Variants in SNTG1 observed in about 807,000 individuals in gnomAD.
SNTG1 encodes the protein gamma-1-syntrophin.
Under a neutral mutation model 74.7 loss-of-function variants are expected in SNTG1, and 39 were observed. The observed-to-expected ratio is 0.52, with a 90% confidence interval of 0.40 to 0.68. The LOEUF (loss-of-function observed/expected upper bound fraction) is 0.68, where lower values mean the gene tolerates loss of function less well. Ranked by LOEUF, SNTG1 falls within the 30% of genes least tolerant of loss-of-function variation. SNTG1 has a pLI of 0.00. For synonymous variants in SNTG1, 254 were observed against 217.1 expected (o/e 1.17, Z -1.49); for missense variants, 685 against 609.5 (o/e 1.12, Z -1.30).
intron 1 of SNTG1, among the ~76,000 whole-genome samples, chr8:50,139,782 C>T (rs945959138): frequency 6.6e-6 from 1 of 152,210 alleles, no homozygotes; most frequent in Non-Finnish European, 1.5e-5. Flanking sequence ...TGTGCACATT[C>T]CCCAGATACC....
chr8:50,210,464 AG>A (rs1353354832), intron 2 of SNTG1, among the ~76,000 whole-genome samples: 1 of 152,214 alleles, frequency 6.6e-6, no homozygotes, highest in Non-Finnish European at 1.5e-5. Flanking sequence ...AAAAATGTTA[AG>A]GGCAGCCAGA....
At chr8:50,280,348 G>T (rs561511273) in intron 2 of SNTG1, among the ~76,000 whole-genome samples, 1 of 152,170 alleles carries the variant, frequency 6.6e-6, no homozygotes, top group Non-Finnish European at 1.5e-5. Flanking sequence ...CTAGATGTGG[G>T]TTGGGCTTAA....
intron 2 of SNTG1, among the ~76,000 whole-genome samples, chr8:50,280,532 T>C (rs914710631): frequency 1.3e-5 from 2 of 152,176 alleles, no homozygotes; most frequent in African/African-American, 2.4e-5. Flanking sequence ...ATTGGTTTTG[T>C]ATGTTTTAGG....
At position 50,536,745 on chromosome 8, in the gene SNTG1, T is replaced by A; in HGVS notation, c.617T>A (p.Leu206His). ...AGGTGGGAGAAGCGATGGTGCGACCTCAGACTGATCCCTCTACTTCATTCG... is the reference window on the plus strand; with the variant it reads ...AGGTGGGAGAAGCGATGGTGCGACCACAGACTGATCCCTCTACTTCATTCG... ...GLRWEKRWCD[L>H]RLIPLLHSRF... The change falls in exon 11 of 19, where the codon CTC becomes CAC. Residue 206 changes from leucine to histidine, a missense_variant. Leu to His is a moderately conservative substitution (Grantham distance 99, BLOSUM62 -3). Transcript: ENST00000642720. The A allele has an allele frequency of 6.2e-7, 1 of 1,614,060 alleles. No individual in the cohort carries two copies. The highest frequency in any genetic ancestry group is 8.5e-7 in the Non-Finnish European group (1 of 1,179,908).
chr8:50,578,082 T>C (rs1464736003), intron 12 of SNTG1, among the ~76,000 whole-genome samples: 1 of 152,218 alleles, frequency 6.6e-6, no homozygotes, highest in Non-Finnish European at 1.5e-5. Context: ...TAGGGTCATA[T>C]GGACATTCTG....
chr8:50,411,166 A>C (rs2092943403), intron 4 of SNTG1, among the ~76,000 whole-genome samples: 1 of 152,066 alleles, frequency 6.6e-6, no homozygotes, highest in Non-Finnish European at 1.5e-5. Context: ...AAGAAAAGGA[A>C]GGCCGGGTGC....
intron 2 of SNTG1, among the ~76,000 whole-genome samples, chr8:50,343,749 G>A (rs1461286086): frequency 1.3e-5 from 2 of 152,092 alleles, no homozygotes; most frequent in African/African-American, 4.8e-5. Flanking sequence ...TTAAGAGTGA[G>A]CCTATTAGAT....
intron 2 of SNTG1, among the ~76,000 whole-genome samples, chr8:50,194,688 A>C (rs2131806245): frequency 6.6e-6 from 1 of 151,744 alleles, no homozygotes; most frequent in South Asian, 2.1e-4. Flanking sequence ...TGATCTTGGT[A>C]ATTTCCTTTC....
intron 2 of SNTG1, among the ~76,000 whole-genome samples, chr8:50,244,801 C>T (rs1175999633): frequency 6.6e-6 from 1 of 152,194 alleles, no homozygotes; most frequent in Non-Finnish European, 1.5e-5. Context: ...GAAAAACTTG[C>T]AGTCTCAAAT....
At chr8:50,576,102 C>T (rs1474327924) in intron 12 of SNTG1, among the ~76,000 whole-genome samples, 1 of 152,126 alleles carries the variant, frequency 6.6e-6, no homozygotes, top group South Asian at 2.1e-4. Flanking sequence ...GCATGCATCC[C>T]AAAAATGTTT....
intron 1 of SNTG1, among the ~76,000 whole-genome samples, chr8:49,994,129 T>C (rs1219079243): frequency 6.6e-6 from 1 of 152,116 alleles, no homozygotes; most frequent in Non-Finnish European, 1.5e-5. Flanking sequence ...GATATACCTA[T>C]AAAACTTATT....
rs190345613 is a variant in SNTG1 at position 50,606,529 on chromosome 8, A to T, written c.849+15612A>T. Reference sequence around the variant, plus strand: ...ACAATTATGTTATCTACATAAATATAAATATTTTGAATTCTTTATTTCATT... The same window carrying T: ...ACAATTATGTTATCTACATAAATATTAATATTTTGAATTCTTTATTTCATT... On this transcript the variant is annotated intron_variant, in intron 13 of 18. Transcript: ENST00000642720. 2.5e-3 allele frequency among the ~76,000 whole-genome samples: 380 copies of T among 152,110 alleles called. 3 individuals are homozygous for T. The highest frequency in any genetic ancestry group is 0.01 in the Middle Eastern group (3 of 292).
At chr8:50,502,087 C>T (rs992670067) in intron 8 of SNTG1, among the ~76,000 whole-genome samples, 1 of 151,990 alleles carries the variant, frequency 6.6e-6, no homozygotes, top group Non-Finnish European at 1.5e-5. Context: ...AAGAACTAGA[C>T]TTACTAATTC....
At chr8:50,125,047 C>A (rs2081098267) in intron 1 of SNTG1, among the ~76,000 whole-genome samples, 1 of 141,874 alleles carries the variant, frequency 7.0e-6, no homozygotes, top group Admixed American at 7.3e-5. Context: ...GAGATTTCTG[C>A]CATCACTATA....
intron 18 of SNTG1, among the ~76,000 whole-genome samples, chr8:50,777,224 T>C (rs1433018286): frequency 2.5e-5 from 3 of 119,292 alleles, no homozygotes; most frequent in Non-Finnish European, 4.5e-5. Context: ...ATAGCATATA[T>C]ATATATATAT....
At chr8:50,624,775 T>C (rs531663457) in intron 13 of SNTG1, among the ~76,000 whole-genome samples, 3 of 152,290 alleles carry the variant, frequency 2.0e-5, no homozygotes, top group African/African-American at 7.2e-5. Context: ...GTTAGTTTTT[T>C]CTATTTCTGA....
intron 1 of SNTG1, among the ~76,000 whole-genome samples, chr8:50,162,280 C>T (rs2082443444): frequency 1.3e-5 from 2 of 151,978 alleles, no homozygotes; most frequent in Non-Finnish European, 2.9e-5. Flanking sequence ...AAGAAAGCAC[C>T]GGCCGTGCGC....
intron 1 of SNTG1, among the ~76,000 whole-genome samples, chr8:50,055,675 G>T (rs203958): frequency 0.88 from 133,154 of 152,068 alleles, 58,397 homozygotes; most frequent in East Asian, 0.99. Flanking sequence ...AGGAAGCAGC[G>T]CTTGTCTTTC....
At chr8:50,200,587 C>G (rs2083947391) in intron 2 of SNTG1, among the ~76,000 whole-genome samples, 1 of 149,688 alleles carries the variant, frequency 6.7e-6, no homozygotes, top group South Asian at 2.1e-4. Flanking sequence ...AACAAAATGC[C>G]ATCTACACCA....
Sources: gnomAD v4.1 joint callset for allele counts (sites outside exome capture counted in the v4.1 genomes callset) on GRCh38, gnomAD v4.1.1 for gene constraint, MANE v1.5 for transcripts, NCBI Gene and HGNC (gene_info 2026-07-23, HGNC 2026-07-21) for gene names.